OXCT1: variants seen among roughly 807,000 people sequenced by gnomAD.
OXCT1 encodes succinyl-CoA:3-ketoacid coenzyme A transferase 1, mitochondrial.
Under a neutral mutation model 69.6 loss-of-function variants are expected in OXCT1, and 27 were observed. That is an observed-to-expected ratio of 0.39 (90% CI 0.29 to 0.54). OXCT1 has a LOEUF of 0.54. Among genes scored for constraint, OXCT1 ranks in the 20% least tolerant of loss-of-function variants. The probability of loss-of-function intolerance (pLI) is 0.72; values close to 1 mark genes in which losing one functional copy is unlikely to be tolerated. For missense variants in OXCT1, 437 were observed against 650.2 expected (o/e 0.67, Z 3.57); for synonymous variants, 202 against 217.8 (o/e 0.93, Z 0.64).
intron 6 of OXCT1, among the ~76,000 whole-genome samples, chr5:41,841,658 T>G (rs971013081): frequency 1.3e-5 from 2 of 152,210 alleles, no homozygotes; most frequent in Non-Finnish European, 2.9e-5. Context: ...GGGAATATTT[T>G]CAATAATTCC....
intron 13 of OXCT1, among the ~76,000 whole-genome samples, chr5:41,788,404 A>G (rs1745754351): frequency 1.3e-5 from 2 of 152,220 alleles, no homozygotes; most frequent in Non-Finnish European, 2.9e-5. Context: ...TAAACCTCCA[A>G]TTATGATTTA....
chr5:41,805,704 T>C (rs777515671), intron 8 of OXCT1, 23 bp from the exon 9 acceptor site: 1 of 1,445,150 alleles, frequency 6.9e-7, no homozygotes, highest in South Asian at 1.1e-5. Context: ...CAGAAATAAA[T>C]TATTCGTGGT....
chr5:41,762,611 CT>C lies in OXCT1; in HGVS notation c.1249-412del, dbSNP rs1329315111. ...TCAATTAAGGGCACTTTCTAAAGTA[CT>C]CTTGGATTTCCTGCAGATTAAAATT... On this transcript the variant is annotated intron_variant, in intron 13 of 16. Coordinates refer to ENST00000196371, the MANE Select transcript of OXCT1 (RefSeq NM_000436.4). This position sits in a 1 kb window ranked among gnomAD's most constrained non-coding sequence, Gnocchi z 4.0. Among the ~76,000 whole-genome samples, 2 of 152,116 alleles carry C rather than the reference CT, an allele frequency of 1.3e-5. No individual in the cohort carries two copies. The highest frequency in any genetic ancestry group is 2.9e-5 in the Non-Finnish European group (2 of 68,020).
At chr5:41,839,277 G>A (rs749604129) in intron 7 of OXCT1, among the ~76,000 whole-genome samples, 11 of 152,196 alleles carry the variant, frequency 7.2e-5, no homozygotes, top group Middle Eastern at 3.4e-3. Flanking sequence ...AATGCATAAC[G>A]CCCCTCTGTA....
chr5:41,773,077 G>A (rs1031096006), intron 13 of OXCT1, among the ~76,000 whole-genome samples: 6 of 152,146 alleles, frequency 3.9e-5, no homozygotes, highest in African/African-American at 1.4e-4. Context: ...CCAGTTAAAA[G>A]AACGACTTTG....
intron 5 of OXCT1, among the ~76,000 whole-genome samples, chr5:41,846,052 C>T (rs1193238383): frequency 6.6e-6 from 1 of 152,046 alleles, no homozygotes; most frequent in Admixed American, 6.5e-5. Flanking sequence ...CCTGCATTCC[C>T]TCCCTAATTG....
In OXCT1 at chr5:41,753,314, C is replaced by G. The variant is rs946072391; in HGVS notation, c.1339-3707G>C. Among the ~76,000 whole-genome samples, 59 of 95,826 alleles carry G rather than the reference C, an allele frequency of 6.2e-4. 2 individuals are homozygous for G. The highest frequency in any genetic ancestry group is 1.9e-3 in the African/African-American group (56 of 28,742). The allele number at this position is 95,826 out of a possible 152,430, so 62.9% of individuals were successfully genotyped here. A position where few individuals can be genotyped will look rare whatever the true frequency, so the allele number is the denominator to read the frequency against. On this transcript the variant is annotated intron_variant, in intron 14 of 16. Transcript: ENST00000196371. Reference sequence around the variant, plus strand: ...ATAGACACACACACACACATAGACACACACACACACACACACACAGACACA... The same window carrying G: ...ATAGACACACACACACACATAGACAGACACACACACACACACACAGACACA...
chr5:41,808,739 G>A (rs1259048361), intron 7 of OXCT1, among the ~76,000 whole-genome samples: 5 of 152,046 alleles, frequency 3.3e-5, no homozygotes, highest in Non-Finnish European at 5.9e-5. Flanking sequence ...AACTCTGTAT[G>A]CTCCAGTATT....
chr5:41,844,877 C>T (rs1021797259), intron 5 of OXCT1, among the ~76,000 whole-genome samples: 4 of 151,586 alleles, frequency 2.6e-5, no homozygotes, highest in African/African-American at 9.7e-5. Context: ...ACCTTCCATT[C>T]CCTCCTAAAT....
intron 5 of OXCT1, among the ~76,000 whole-genome samples, chr5:41,846,753 G>A (rs1241889098): frequency 3.3e-5 from 5 of 152,202 alleles, no homozygotes; most frequent in African/African-American, 1.2e-4. Flanking sequence ...CACCAACAGT[G>A]TAAAAGTATT....
Position 41,870,019 on chromosome 5 carries a change from C to CATTAAAAA in OXCT1, c.78+261_78+262insTTTTTAAT. 20 of 510,972 alleles carry CATTAAAAA rather than the reference C, an allele frequency of 3.9e-5. No homozygotes were observed. The highest frequency in any genetic ancestry group is 5.5e-4 in the Middle Eastern group (1 of 1,806). The allele number at this position is 510,972 out of a possible 1,614,324, so 31.7% of individuals were successfully genotyped here. ...GAGCGCTGCCAGGAGTCCTCCCGCC[C>CATTAAAAA]CTTCTCAGCCTCTCCGCGCGCTTCT... is the stretch of plus-strand genomic sequence containing the variant. On this transcript the variant is annotated intron_variant, in intron 1 of 16. Coordinates refer to ENST00000196371, the MANE Select transcript of OXCT1 (RefSeq NM_000436.4). The surrounding 1 kb of genome is among the most constrained non-coding windows in gnomAD (Gnocchi z 4.2).
At chr5:41,817,225 C>T (rs34369972) in intron 7 of OXCT1, among the ~76,000 whole-genome samples, 28,173 of 151,560 alleles carry the variant, frequency 0.19, 2,774 homozygotes, top group Middle Eastern at 0.28. Context: ...ACTGAGCCTT[C>T]CTATAGTTAA....
intron 7 of OXCT1, among the ~76,000 whole-genome samples, chr5:41,833,164 C>G (rs1400189114): frequency 6.6e-6 from 1 of 152,018 alleles, no homozygotes; most frequent in Non-Finnish European, 1.5e-5. Context: ...TATAGAACAC[C>G]AAGCAAATTT....
At chr5:41,867,666 T>C (rs1050037386) in intron 1 of OXCT1, among the ~76,000 whole-genome samples, 1 of 152,190 alleles carries the variant, frequency 6.6e-6, no homozygotes, top group Admixed American at 6.5e-5. Flanking sequence ...GCTAGTTTGC[T>C]TTGGATCAGA....
At chr5:41,770,629 G>C (rs773605493) in intron 13 of OXCT1, among the ~76,000 whole-genome samples, 2 of 152,056 alleles carry the variant, frequency 1.3e-5, no homozygotes, top group African/African-American at 2.4e-5. Flanking sequence ...ATAGCTTATA[G>C]GTCTTGAATG....
intron 3 of OXCT1, among the ~76,000 whole-genome samples, chr5:41,857,660 C>G (rs914566419): frequency 6.6e-6 from 1 of 152,208 alleles, no homozygotes; most frequent in Non-Finnish European, 1.5e-5. Context: ...GTCCTAGTAA[C>G]AGCTCCCTGC....
intron 7 of OXCT1, among the ~76,000 whole-genome samples, chr5:41,827,826 TG>T (rs926759792): frequency 2.0e-5 from 3 of 151,924 alleles, no homozygotes; most frequent in Non-Finnish European, 4.4e-5. Flanking sequence ...AGAAAACTGG[TG>T]GGGGAAAAAA....
chr5:41,813,477 C>A (rs184284463), intron 7 of OXCT1, among the ~76,000 whole-genome samples: 1 of 152,072 alleles, frequency 6.6e-6, no homozygotes, highest in African/African-American at 2.4e-5. Context: ...TGGAATTATT[C>A]CACAGACATC....
At chr5:41,746,026 A>G (rs146706939) in intron 15 of OXCT1, among the ~76,000 whole-genome samples, 11 of 152,096 alleles carry the variant, frequency 7.2e-5, no homozygotes, top group African/African-American at 2.7e-4. Context: ...TAGAAAAAGA[A>G]GGAATCCTCC....
Sources: gnomAD v4.1 joint callset for allele counts (sites outside exome capture counted in the v4.1 genomes callset) on GRCh38, gnomAD v4.1.1 for gene constraint, Gnocchi (gnomAD v3.1) non-coding constraint, MANE v1.5 for transcripts, NCBI Gene and HGNC (gene_info 2026-07-23, HGNC 2026-07-21) for gene names.